RHAG: variants seen among roughly 807,000 people sequenced by gnomAD.
RHAG encodes the protein ammonium transporter Rh type A.
In RHAG, 25 loss-of-function variants were observed where a neutral mutation model predicts 42.4. The ratio of observed to expected loss-of-function variants is 0.59; its 90% CI spans 0.43 to 0.82. The LOEUF (loss-of-function observed/expected upper bound fraction) is 0.82. Ranked by LOEUF, RHAG falls within the 40% of genes least tolerant of loss-of-function variation. RHAG has a pLI of 0.00. For missense variants in RHAG, 483 were observed against 504.6 expected (o/e 0.96, Z 0.41); for synonymous variants, 182 against 177.7 (o/e 1.02, Z -0.19).
intron 9 of RHAG, among the ~76,000 whole-genome samples, chr6:49,606,497 T>C (rs1774166121): frequency 6.6e-6 from 1 of 152,178 alleles, no homozygotes; most frequent in Non-Finnish European, 1.5e-5. Flanking sequence ...TCTGATTTTA[T>C]CTGGCTGGGC....
chr6:49,631,522 A>G (rs933045712), intron 1 of RHAG, among the ~76,000 whole-genome samples: 39 of 151,946 alleles, frequency 2.6e-4, no homozygotes, highest in African/African-American at 9.0e-4. Flanking sequence ...TTAACACTCC[A>G]TGTATTCCTA....
At chr6:49,609,677 TAGTA>T (rs1308711345) in intron 7 of RHAG, among the ~76,000 whole-genome samples, 1 of 152,230 alleles carries the variant, frequency 6.6e-6, no homozygotes, top group Non-Finnish European at 1.5e-5. Flanking sequence ...GCAAACTACT[TAGTA>T]GGAAATATGA....
chr6:49,636,789 C>T lies in RHAG; in HGVS notation c.24G>A (p.Met8Ile). The T allele has an allele frequency of 6.2e-7, 1 of 1,613,800 alleles. No individual in the cohort carries two copies. Among genetic ancestry groups the T allele is most frequent in the Non-Finnish European group, 8.5e-7 (1 of 1,179,762 alleles). ...TCATGGCAATTTCCAGGACTATAGC[C>T]ATGAGAGGGAATGTGAACCTCATGT... MRFTFPL[M>I]AIVLEIAMIV... is the part of the protein sequence containing the mutation. The change falls in exon 1 of 10, where the codon ATG becomes ATA. Residue 8 changes from methionine (M) to isoleucine (I), a missense_variant. Physicochemically the swap from Met to Ile is conservative, Grantham distance 10. Coordinates refer to ENST00000371175, the MANE Select transcript of RHAG (RefSeq NM_000324.3).
In RHAG at chr6:49,619,402, G is replaced by T. The variant is rs763448304; in HGVS notation, c.158-40C>A. ...AGGAAAAAATATCTGCATTATGAGA[G>T]CATGAAGAAAGTACTGCATCATAGT... On this transcript the variant is annotated intron_variant, in intron 1 of 9. Coordinates refer to ENST00000371175, the MANE Select transcript of RHAG (RefSeq NM_000324.3). The T allele has an allele frequency of 2.6e-6, 4 of 1,566,308 alleles. No homozygotes were observed. The Admixed American group carries it at 7.1e-5, about 28-fold the overall frequency.
In RHAG at chr6:49,615,391, T is replaced by C. The variant is rs1762637554; in HGVS notation, c.640+233A>G. 5.4e-6 allele frequency: 2 copies of C among 373,682 alleles called. 1 individual carries two copies. The highest frequency in any genetic ancestry group is 4.1e-5 in the African/African-American group (2 of 48,422). 23.1% of individuals were successfully genotyped at this position (373,682 alleles called of 1,614,324 possible). On this transcript the variant is annotated intron_variant, in intron 4 of 9. Coordinates refer to ENST00000371175, the MANE Select transcript of RHAG (RefSeq NM_000324.3). The stretch of plus-strand genomic sequence containing the variant: ...TTTTTTCAAAGTTTAATTGAATTTA[T>C]TATTATTATTATTATTTTTTAGAGA...
chr6:49,633,699 CAAGTT>C (rs1470807649), intron 1 of RHAG, among the ~76,000 whole-genome samples: 1 of 152,070 alleles, frequency 6.6e-6, no homozygotes, highest in African/African-American at 2.4e-5. Flanking sequence ...GCATAGGAGA[CAAGTT>C]AATTAATTGC....
chr6:49,605,499 C>A lies in RHAG; in HGVS notation c.*314G>T. The A allele has an allele frequency of 2.4e-6, 1 of 418,232 alleles. No individual in the cohort carries two copies. The highest frequency in any genetic ancestry group is 4.7e-5 in the East Asian group (1 of 21,296). 25.9% of individuals were successfully genotyped at this position (418,232 alleles called of 1,614,324 possible). ...ACATTAAGAAACTGACATGTTTACT[C>A]TGTATTTACTCACTGCCAAAAGCTT... On this transcript the variant is annotated 3_prime_UTR_variant, in exon 10 of 10. Coordinates refer to ENST00000371175, the MANE Select transcript of RHAG (RefSeq NM_000324.3).
At chr6:49,622,216 GTT>G (rs547741058) in intron 1 of RHAG, among the ~76,000 whole-genome samples, 6,825 of 132,372 alleles carry the variant, frequency 0.052, 242 homozygotes, top group South Asian at 0.11. Flanking sequence ...AGATCTGATG[GTT>G]TTTTTTTTTT....
Position 49,628,138 on chromosome 6 carries a change from A to ACG in RHAG, c.157+8517_157+8518insCG, listed in dbSNP as rs1456226428. Among the ~76,000 whole-genome samples the ACG allele has an allele frequency of 3.2e-3, 54 of 16,842 alleles. No homozygotes were observed. In the East Asian group the frequency reaches 0.079, roughly 25 times the overall value. 11.0% of individuals were successfully genotyped at this position (16,842 alleles called of 152,430 possible). On this transcript the variant is annotated intron_variant, in intron 1 of 9. Coordinates refer to ENST00000371175, the MANE Select transcript of RHAG (RefSeq NM_000324.3). ...ACCCAACACTTTGTGTGTGTGAGAC[A>ACG]CACACACACACACACACACACACAG...
intron 1 of RHAG, among the ~76,000 whole-genome samples, chr6:49,632,652 G>A (rs998660262): frequency 7.9e-5 from 12 of 152,114 alleles, no homozygotes; most frequent in Admixed American, 4.6e-4. Context: ...ATGAGTAAAT[G>A]AGCCAATCAA....
intron 7 of RHAG, among the ~76,000 whole-genome samples, chr6:49,608,077 A>G (rs1762505328): frequency 6.6e-6 from 1 of 152,220 alleles, no homozygotes; most frequent in African/African-American, 2.4e-5. Context: ...AAAAAGAAGC[A>G]GAAAAGTTTA....
intron 1 of RHAG, among the ~76,000 whole-genome samples, chr6:49,631,095 C>G (rs1054529571): frequency 1.3e-5 from 2 of 152,102 alleles, no homozygotes; most frequent in African/African-American, 4.8e-5. Flanking sequence ...GTGTACTTCC[C>G]ACTAGATCAC....
At chr6:49,630,943 G>T (rs1205672919) in intron 1 of RHAG, among the ~76,000 whole-genome samples, 3 of 152,096 alleles carry the variant, frequency 2.0e-5, no homozygotes, top group African/African-American at 4.8e-5. Flanking sequence ...TTGATTTAGA[G>T]CAGTTCTCTT....
chr6:49,609,644 C>T (rs1762535815), intron 7 of RHAG, among the ~76,000 whole-genome samples: 1 of 152,134 alleles, frequency 6.6e-6, no homozygotes, highest in Admixed American at 6.6e-5. Flanking sequence ...AGAAATGTGT[C>T]AACTGTACAC....
intron 5 of RHAG, 44 bp from the exon 6 acceptor site, chr6:49,612,578 G>A: frequency 1.2e-6 from 2 of 1,611,910 alleles, no homozygotes; most frequent in Non-Finnish European, 1.7e-6. Flanking sequence ...CTGGATGATG[G>A]AGAATTCAGA....
At chr6:49,620,317 A>T (rs1762732069) in intron 1 of RHAG, among the ~76,000 whole-genome samples, 1 of 152,234 alleles carries the variant, frequency 6.6e-6, no homozygotes, top group South Asian at 2.1e-4. Context: ...TGCCAATAAA[A>T]CATATGATCA....
intron 6 of RHAG, 29 bp from the exon 7 acceptor site, chr6:49,611,174 T>A: frequency 2.5e-6 from 4 of 1,586,428 alleles, no homozygotes; most frequent in Non-Finnish European, 3.5e-6. Context: ...GAAGGTTTAT[T>A]ATTTAGTTAA....
At chr6:49,628,574 C>A (rs538127601) in intron 1 of RHAG, among the ~76,000 whole-genome samples, 1 of 151,872 alleles carries the variant, frequency 6.6e-6, no homozygotes, top group Non-Finnish European at 1.5e-5. Context: ...CTGGTGGGTT[C>A]GTGGTCTCCC....
chr6:49,622,234 TA>T (rs1273555771), intron 1 of RHAG, among the ~76,000 whole-genome samples: 5 of 148,632 alleles, frequency 3.4e-5, no homozygotes, highest in Non-Finnish European at 7.4e-5. Flanking sequence ...TTTTTTTTTT[TA>T]GACAGAGTCT....
Sources: allele counts gnomAD v4.1 joint callset (sites outside exome capture counted in the v4.1 genomes callset), GRCh38; gene constraint gnomAD v4.1.1; transcripts MANE v1.5; gene names NCBI Gene and HGNC (gene_info 2026-07-23, HGNC 2026-07-21).